Variants in TNNI3K observed in about 807,000 individuals in gnomAD.
TNNI3K encodes TNNI3 interacting kinase, also known as serine/threonine-protein kinase TNNI3K.
TNNI3K carries 140 observed loss-of-function variants against 114.5 expected under a neutral mutation model. The observed-to-expected ratio is 1.22, with a 90% confidence interval of 1.07 to 1.41. The LOEUF is 1.41. Among genes scored for constraint, TNNI3K ranks in the 40% most tolerant of loss-of-function variants. The pLI, the probability that TNNI3K is intolerant of heterozygous loss-of-function variation, is 0.00. For missense variants in TNNI3K, 1,125 were observed against 1,007.6 expected, an observed-to-expected ratio of 1.12 and a Z score of -1.58; for synonymous variants, 347 against 347.5, an observed-to-expected ratio of 1.00 and a Z score of 0.02.
chr1:74,543,167 C>T (rs1255875027), intron 24 of TNNI3K, among the ~76,000 whole-genome samples: 3 of 129,676 alleles, frequency 2.3e-5, no homozygotes, highest in Non-Finnish European at 4.7e-5. Context: ...CTCTGCTTCT[C>T]GGGTTCAAGT....
intron 5 of TNNI3K, among the ~76,000 whole-genome samples, chr1:74,278,137 C>CTCTT (rs113361313): frequency 1 from 151,767 of 152,198 alleles, 75,670 homozygotes; most frequent in Middle Eastern, 1. Flanking sequence ...GTTTCTCTCT[C>CTCTT]TCTCTTATTT....
chr1:74,359,260 G>C (rs1048016303), intron 11 of TNNI3K, among the ~76,000 whole-genome samples: 8 of 152,004 alleles, frequency 5.3e-5, no homozygotes, highest in Non-Finnish European at 1.0e-4. Context: ...GAGGTTTAAG[G>C]ATAAGATTTA....
chr1:74,481,225 AG>A (rs1668485477), intron 21 of TNNI3K, among the ~76,000 whole-genome samples: 1 of 152,180 alleles, frequency 6.6e-6, no homozygotes. Context: ...CTGTTACTTT[AG>A]ATGTCAAAGT....
At chr1:74,445,746 G>A (rs976031758) in intron 20 of TNNI3K, among the ~76,000 whole-genome samples, 6 of 150,934 alleles carry the variant, frequency 4.0e-5, no homozygotes, top group African/African-American at 1.2e-4. Flanking sequence ...AAGTAGCTGG[G>A]ACTACAGGCG....
chr1:74,397,512 T>C (rs901050296), intron 17 of TNNI3K, among the ~76,000 whole-genome samples: 1 of 152,218 alleles, frequency 6.6e-6, no homozygotes, highest in Non-Finnish European at 1.5e-5. Context: ...GATGCTTGAC[T>C]GGTTCCCAAA....
intron 17 of TNNI3K, among the ~76,000 whole-genome samples, chr1:74,379,567 C>T (rs1663092292): frequency 6.6e-6 from 1 of 152,088 alleles, no homozygotes; most frequent in African/African-American, 2.4e-5. Context: ...TGAAGTCAGT[C>T]TGTCTGTCTG....
At chr1:74,471,674 T>A (rs1312623573) in intron 21 of TNNI3K, 1 of 400,772 alleles carries the variant, frequency 2.5e-6, no homozygotes, top group Non-Finnish European at 4.4e-6. Context: ...ATCATCGACC[T>A]ATTTATTTCT....
chr1:74,418,066 T>C (rs1665216131), intron 17 of TNNI3K: 1 of 377,644 alleles, frequency 2.6e-6, no homozygotes, highest in Non-Finnish European at 5.2e-6. Flanking sequence ...ATCATCTGAC[T>C]CTTACATTCA....
rs1158887444 is a variant in TNNI3K, at chr1:74,446,026, A to G, written c.2011+6404A>G. On this transcript the variant is annotated intron_variant, in intron 20 of 24. Transcript: ENST00000326637. ...CGTGTGCATGTGTCTTTATAGCAGCATGATTTATAGTCATTTGGGTATATA... is the reference window on the plus strand; with the variant it reads ...CGTGTGCATGTGTCTTTATAGCAGCGTGATTTATAGTCATTTGGGTATATA... Among the ~76,000 whole-genome samples the G allele has an allele frequency of 3.3e-5, 5 of 152,172 alleles. No individual in the cohort carries two copies. The East Asian group carries it at 9.7e-4, about 29-fold the overall frequency.
chr1:74,264,378 A>G (rs1318619987), intron 4 of TNNI3K, among the ~76,000 whole-genome samples: 2 of 152,044 alleles, frequency 1.3e-5, no homozygotes, highest in African/African-American at 4.8e-5. Flanking sequence ...TAGTCCATTA[A>G]ATTTTAATGC....
chr1:74,271,562 G>C (rs776414275), intron 4 of TNNI3K, 36 bp from the exon 5 acceptor site: 4 of 1,554,988 alleles, frequency 2.6e-6, no homozygotes, highest in South Asian at 1.2e-5. Context: ...CCTGTTATTA[G>C]CAGAAAAGTA....
At chr1:74,325,855 AATG>A (rs1659872332) in intron 5 of TNNI3K, among the ~76,000 whole-genome samples, 1 of 152,196 alleles carries the variant, frequency 6.6e-6, no homozygotes, top group African/African-American at 2.4e-5. Context: ...CTTTCATGCT[AATG>A]TCTTTAGGAT....
intron 20 of TNNI3K, among the ~76,000 whole-genome samples, chr1:74,440,122 A>C (rs1389885010): frequency 6.6e-6 from 1 of 152,026 alleles, no homozygotes; most frequent in East Asian, 1.9e-4. Context: ...GATACATTCT[A>C]AAAATGGGGC....
At chr1:74,245,457 T>A (rs924180762) in intron 2 of TNNI3K, among the ~76,000 whole-genome samples, 1 of 152,146 alleles carries the variant, frequency 6.6e-6, no homozygotes, top group African/African-American at 2.4e-5. Context: ...TCCCAGGACA[T>A]TTTTCAGTAG....
chr1:74,357,438 T>A (rs1235769883), intron 11 of TNNI3K, among the ~76,000 whole-genome samples: 1 of 152,132 alleles, frequency 6.6e-6, no homozygotes, highest in East Asian at 1.9e-4. Flanking sequence ...TAAGCCAAAT[T>A]TTTCACCTGA....
chr1:74,511,561 C>T (rs1670226229), intron 23 of TNNI3K, among the ~76,000 whole-genome samples: 1 of 152,052 alleles, frequency 6.6e-6, no homozygotes, highest in Admixed American at 6.5e-5. Context: ...ATTGGATATG[C>T]ATTTATCTAT....
intron 17 of TNNI3K, chr1:74,377,194 G>T (rs1046264754): frequency 1.3e-5 from 2 of 151,940 alleles, no homozygotes; most frequent in African/African-American, 4.8e-5. Context: ...AGTAAAGTGG[G>T]AATATTAGGG....
rs186181850 is a variant in TNNI3K, at chr1:74,454,177, G to A, written c.2012-9264G>A. On this transcript the variant is annotated intron_variant, in intron 20 of 24. Transcript: ENST00000326637. Reference sequence around the variant, plus strand: ...GTGTAATGATCAAACCAGAATAATAGGGATATCTGACTTAAGCATTTATCA... The same window carrying A: ...GTGTAATGATCAAACCAGAATAATAAGGATATCTGACTTAAGCATTTATCA... Among the ~76,000 whole-genome samples the A allele has an allele frequency of 1.4e-3, 216 of 151,974 alleles. 1 individual carries two copies. Among genetic ancestry groups the A allele is most frequent in the Admixed American group, 3.1e-3 (48 of 15,258 alleles).
chr1:74,488,240 G>C (rs1473144577), intron 21 of TNNI3K, among the ~76,000 whole-genome samples: 2 of 152,102 alleles, frequency 1.3e-5, no homozygotes, highest in African/African-American at 4.8e-5. Flanking sequence ...GAAGACACAG[G>C]GTTTTGCTCA....
Sources: gnomAD v4.1 joint callset for allele counts (sites outside exome capture counted in the v4.1 genomes callset) on GRCh38, gnomAD v4.1.1 for gene constraint, MANE v1.5 for transcripts, NCBI Gene and HGNC (gene_info 2026-07-23, HGNC 2026-07-21) for gene names.